Variants in TAF15 observed in about 807,000 individuals in gnomAD.
The protein encoded by TAF15 is TATA-binding protein-associated factor 2N.
TAF15 carries 37 observed loss-of-function variants against 102.5 expected under a neutral mutation model. That is an observed-to-expected ratio of 0.36 (90% CI 0.28 to 0.47). The LOEUF is 0.47. Among genes scored for constraint, TAF15 ranks in the 20% least tolerant of loss-of-function variants. TAF15 has a pLI of 0.99. For missense variants in TAF15, 652 were observed against 760.7 expected (o/e 0.86, Z 1.68); for synonymous variants, 273 against 259.2 (o/e 1.05, Z -0.51).
intron 1 of TAF15, among the ~76,000 whole-genome samples, chr17:35,815,249 A>G (rs1246123500): frequency 6.6e-6 from 1 of 152,182 alleles, no homozygotes; most frequent in Non-Finnish European, 1.5e-5. Context: ...ATTCAAAAGC[A>G]CTTTAAATTT....
intron 7 of TAF15, among the ~76,000 whole-genome samples, chr17:35,828,594 T>A (rs545887480): frequency 6.6e-6 from 1 of 152,042 alleles, no homozygotes; most frequent in East Asian, 1.9e-4. Context: ...AGCTGGCCAC[T>A]GTGGCACACG....
chr17:35,829,559 G>C (rs1452868368), intron 7 of TAF15, among the ~76,000 whole-genome samples: 1 of 119,794 alleles, frequency 8.3e-6, no homozygotes. Flanking sequence ...GTGAACCCAG[G>C]AGGCGGAGGT....
At chr17:35,833,727 G>A (rs1413116381) in intron 7 of TAF15, 180 bp from the exon 8 acceptor site, 6 of 618,080 alleles carry the variant, frequency 9.7e-6, no homozygotes, top group Non-Finnish European at 1.7e-5. Flanking sequence ...ATAGATCCTT[G>A]GGAAAACACT....
chr17:35,845,065 C>T (rs1253308048), intron 15 of TAF15, 27 bp downstream of exon 15: 1 of 1,613,108 alleles, frequency 6.2e-7, no homozygotes, highest in Non-Finnish European at 8.5e-7. Context: ...GTTTATTAAC[C>T]TTTTTACCTC....
chr17:35,845,722 C>T (rs1449440604), intron 15 of TAF15, among the ~76,000 whole-genome samples: 2 of 152,000 alleles, frequency 1.3e-5, no homozygotes, highest in Non-Finnish European at 2.9e-5. Context: ...TGTTAGACCT[C>T]GTGATCCACC....
At chr17:35,834,732 C>CTTTA in intron 9 of TAF15, 134 bp downstream of exon 9, 7 of 345,700 alleles carry the variant, frequency 2.0e-5, no homozygotes, top group Non-Finnish European at 3.3e-5. Flanking sequence ...AACTGGGGAG[C>CTTTA]TTTATTTCTT....
At chr17:35,834,037 C>CTACAG in intron 8 of TAF15, 96 bp downstream of exon 8, 1 of 1,294,688 alleles carries the variant, frequency 7.7e-7, no homozygotes, top group Non-Finnish European at 1.1e-6. Context: ...TCCTTTCTTA[C>CTACAG]TCTGTTGAGG....
intron 11 of TAF15, among the ~76,000 whole-genome samples, chr17:35,840,014 T>C (rs1374030086): frequency 6.6e-6 from 1 of 152,090 alleles, no homozygotes; most frequent in African/African-American, 2.4e-5. Context: ...AATAATCTTA[T>C]GAGACATATG....
intron 5 of TAF15, among the ~76,000 whole-genome samples, chr17:35,821,798 A>C (rs1305965120): frequency 6.6e-6 from 1 of 152,216 alleles, no homozygotes; most frequent in African/African-American, 2.4e-5. Flanking sequence ...ATTGTGTTAC[A>C]AAGCAGGTTC....
chr17:35,847,037 G>A lies in TAF15; in HGVS notation c.*92G>A. 1 of 839,466 alleles carries A rather than the reference G, an allele frequency of 1.2e-6. No homozygotes were observed. Among genetic ancestry groups the A allele is most frequent in the South Asian group, 1.3e-5 (1 of 76,572 alleles). The allele number at this position is 839,466 out of a possible 1,614,324, so 52.0% of individuals were successfully genotyped here. A position where few individuals can be genotyped will look rare whatever the true frequency, so the allele number is the denominator to read the frequency against. Reference sequence around the variant, plus strand: ...TGCTTTCCTCGTGGCCTCTTCTTGGGTAGTGAAATTAAGTGACATTTGGAT... The same window carrying A: ...TGCTTTCCTCGTGGCCTCTTCTTGGATAGTGAAATTAAGTGACATTTGGAT... On this transcript the variant is annotated 3_prime_UTR_variant, in exon 16 of 16. Transcript: ENST00000605844.
chr17:35,820,833 A>G (rs918451370), intron 5 of TAF15, among the ~76,000 whole-genome samples: 25 of 152,144 alleles, frequency 1.6e-4, no homozygotes, highest in African/African-American at 5.8e-4. Context: ...AAAAGGGTCA[A>G]AACTTACGCA....
intron 12 of TAF15, among the ~76,000 whole-genome samples, chr17:35,843,324 A>G (rs899633567): frequency 6.6e-6 from 1 of 151,946 alleles, no homozygotes; most frequent in African/African-American, 2.4e-5. Context: ...GGTTTCTCCC[A>G]TGTTGGTCAG....
chr17:35,817,456 A>G lies in TAF15; in HGVS notation c.8-260A>G, dbSNP rs7209512. The G allele has an allele frequency of 0.054, 25,036 of 467,098 alleles. 1,007 individuals carry two copies. Among genetic ancestry groups the G allele is most frequent in the South Asian group, 0.15 (5,640 of 37,860 alleles). The allele number at this position is 467,098 out of a possible 1,614,324, so 28.9% of individuals were successfully genotyped here. Reference sequence around the variant, plus strand: ...GGTCTTGAGTCTGTTTAAAGAATGGATTTTCACTGTTTACATTTGTTCACT... The same window carrying G: ...GGTCTTGAGTCTGTTTAAAGAATGGGTTTTCACTGTTTACATTTGTTCACT... On this transcript the variant is annotated intron_variant, in intron 1 of 15. Transcript: ENST00000605844.
chr17:35,818,130 C>T (rs898976275), intron 2 of TAF15, among the ~76,000 whole-genome samples: 2 of 151,702 alleles, frequency 1.3e-5, no homozygotes, highest in African/African-American at 4.8e-5. Flanking sequence ...GAGTCTCGCT[C>T]TTTCGCCCAG....
At chr17:35,839,339 A>G (rs554617801) in intron 11 of TAF15, among the ~76,000 whole-genome samples, 3 of 146,666 alleles carry the variant, frequency 2.0e-5, no homozygotes, top group South Asian at 2.2e-4. Context: ...CCCTTCAAAT[A>G]TAAAGTTAAT....
chr17:35,834,676 G>T, intron 9 of TAF15, 78 bp downstream of exon 9: 1 of 1,377,324 alleles, frequency 7.3e-7, no homozygotes, highest in South Asian at 1.2e-5. Context: ...TGTGTGTTTG[G>T]AGGGGCTTAG....
At chr17:35,811,546 T>A (rs1364621808) in intron 1 of TAF15, 1 of 152,258 alleles carries the variant, frequency 6.6e-6, no homozygotes, top group Non-Finnish European at 1.5e-5. Context: ...GCTTTTGACT[T>A]GTTCTTTGAT....
chr17:35,842,318 G>A, intron 11 of TAF15, 49 bp from the exon 12 acceptor site: 1 of 1,395,374 alleles, frequency 7.2e-7, no homozygotes, highest in Middle Eastern at 1.9e-4. Flanking sequence ...TTGTTGACAG[G>A]TGGAGGTATA....
At chr17:35,836,672 G>T (rs186870073) in intron 10 of TAF15, among the ~76,000 whole-genome samples, 2 of 152,098 alleles carry the variant, frequency 1.3e-5, no homozygotes, top group Non-Finnish European at 2.9e-5. Context: ...CTATTTTCAT[G>T]CATATGTTTT....
Sources: gnomAD v4.1 joint callset for allele counts (sites outside exome capture counted in the v4.1 genomes callset) on GRCh38, gnomAD v4.1.1 for gene constraint, MANE v1.5 for transcripts, NCBI Gene and HGNC (gene_info 2026-07-23, HGNC 2026-07-21) for gene names.